Variants in SAMD9 observed in about 807,000 individuals in gnomAD.
The protein encoded by SAMD9 is sterile alpha motif domain containing 9.
SAMD9 carries 3 observed loss-of-function variants against 1.5 expected under a neutral mutation model. The observed-to-expected ratio is 2.05, with a 90% CI of 0.93 to 5.29. SAMD9 has a LOEUF of 5.29. Ranked by LOEUF, SAMD9 falls within the 30% of genes most tolerant of loss-of-function variation. The pLI is 0.02. For missense variants in SAMD9, 1,597 were observed against 1,820.8 expected (o/e 0.88, Z 2.24); for synonymous variants, 635 against 631.9 (o/e 1.00, Z -0.07).
intron 2 of SAMD9, among the ~76,000 whole-genome samples, chr7:93,107,490 C>T (rs1791665998): frequency 6.6e-6 from 1 of 152,072 alleles, no homozygotes; most frequent in Admixed American, 6.5e-5. Flanking sequence ...AAATGAAATT[C>T]AAATAATAAT....
Position 93,105,595 on chromosome 7 carries a change from T to A in SAMD9, c.503A>T (p.Glu168Val), listed in dbSNP as rs1791625210. The change falls in exon 3 of 3, where the codon GAA becomes GTA. Residue 168 changes from glutamate (E) to valine (V), a missense_variant. Coordinates refer to ENST00000379958, the MANE Select transcript of SAMD9 (RefSeq NM_017654.4). ...CTTGTAACGATATGGATTACTGAAT[T>A]CATCAAATGGATATGATACACATGT... is the stretch of plus-strand genomic sequence containing the variant. ...DLTCVSYPFDEFSNPYRYKLD... is the reference protein window; with the variant it reads ...DLTCVSYPFDVFSNPYRYKLD... 1 of 1,614,134 alleles carries A rather than the reference T, an allele frequency of 6.2e-7. No individual in the cohort carries two copies. Among genetic ancestry groups the A allele is most frequent in the African/African-American group, 1.3e-5 (1 of 75,058 alleles).
At position 93,105,772 on chromosome 7, in the gene SAMD9, G is replaced by A. The variant is rs751810299; in HGVS notation, c.326C>T (p.Thr109Ile). Residue 109 changes from threonine (T) to isoleucine (I), a missense_variant, in exon 3 of 3, where the codon ACT (threonine) becomes ATT (isoleucine). Thr to Ile is a moderately conservative substitution (Grantham distance 89). Coordinates refer to ENST00000379958, the MANE Select transcript of SAMD9 (RefSeq NM_017654.4). ...TTTACCCTTTTGTTTTTGCTTTGAAGTTTCTCTACGTTCCTTTTGAGACAC... is the reference window on the plus strand; with the variant it reads ...TTTACCCTTTTGTTTTTGCTTTGAAATTTCTCTACGTTCCTTTTGAGACAC... ...QTVSQKERRE[T>I]SKQKQKGKEN... The A allele has an allele frequency of 1.2e-6, 2 of 1,614,066 alleles. No homozygotes were observed. The highest frequency in any genetic ancestry group is 1.7e-5 in the Admixed American group (1 of 60,024).
intron 2 of SAMD9, among the ~76,000 whole-genome samples, chr7:93,113,455 G>T (rs1235226505): frequency 6.6e-6 from 1 of 152,176 alleles, no homozygotes; most frequent in Non-Finnish European, 1.5e-5. Flanking sequence ...TGACAAATGG[G>T]ATCTAGTTAA....
Position 93,101,365 on chromosome 7 carries a change from A to T in SAMD9, c.4733T>A (p.Ile1578Asn). ...AATGTCATAAGCAAGTGGGCCTCCA[A>T]TGGAAAATCCCAGGTAAAAAGACAC... ...EKVSFYLGFS[I>N]GGPLAYDIEI... Residue 1578 changes from isoleucine (I) to asparagine (N), a missense_variant, in exon 3 of 3, where the codon ATT (isoleucine) becomes AAT (asparagine). Physicochemically the swap from Ile to Asn is moderately radical, Grantham distance 149. Around this residue, in one of 6 missense-constraint regions of SAMD9, gnomAD observed 682 missense variants for 810.0 expected, o/e 0.84. Coordinates refer to ENST00000379958, the MANE Select transcript of SAMD9 (RefSeq NM_017654.4). The T allele has an allele frequency of 6.2e-7, 1 of 1,613,448 alleles. No individual in the cohort carries two copies.
rs182642499 is a variant in SAMD9, at chr7:93,100,135, G to A, written c.*1193C>T. 4 of 152,004 alleles carry A rather than the reference G, an allele frequency of 2.6e-5. No individual in the cohort carries two copies. Among genetic ancestry groups the A allele is most frequent in the Non-Finnish European group, 5.9e-5 (4 of 67,908 alleles). 9.4% of individuals were successfully genotyped at this position (152,004 alleles called of 1,614,324 possible). A position where few individuals can be genotyped will look rare whatever the true frequency, so the allele number is the denominator to read the frequency against. Reference sequence around the variant, plus strand: ...GCAATTTCTTTCTTTTTTGGTTGAAGAAACCAAAAAAGAAAACCAGGTTTT... The same window carrying A: ...GCAATTTCTTTCTTTTTTGGTTGAAAAAACCAAAAAAGAAAACCAGGTTTT... On this transcript the variant is annotated 3_prime_UTR_variant, in exon 3 of 3. Transcript: ENST00000379958.
chr7:93,110,153 A>C (rs942398321), intron 2 of SAMD9, among the ~76,000 whole-genome samples: 7 of 152,188 alleles, frequency 4.6e-5, no homozygotes, highest in Non-Finnish European at 8.8e-5. Flanking sequence ...GGCCAATATT[A>C]AACATTCTTA....
chr7:93,103,551 G>C lies in SAMD9; in HGVS notation c.2547C>G (p.Asp849Glu). 3 of 1,613,464 alleles carry C rather than the reference G, an allele frequency of 1.9e-6. No individual in the cohort carries two copies. Among genetic ancestry groups the C allele is most frequent in the Non-Finnish European group, 2.5e-6 (3 of 1,179,538 alleles). Residue 849 changes from aspartate (D) to glutamate (E), a missense_variant, in exon 3 of 3, where the codon GAC becomes GAG. Physicochemically the swap from Asp to Glu is conservative, Grantham distance 45 (BLOSUM62 2). Around this residue, in one of 6 missense-constraint regions of SAMD9, gnomAD observed 55 missense variants for 58.6 expected, o/e 0.94. Coordinates refer to ENST00000379958, the MANE Select transcript of SAMD9 (RefSeq NM_017654.4). Reference protein sequence around the residue: ...QNPEKSARIPDSIAVIQQLSP... With the variant: ...QNPEKSARIPESIAVIQQLSP... ...AGAGTTGCTGTATTACGGCAATACTGTCTGGGATCCTTGCACTTTTTTCAG... is the reference window on the plus strand; with the variant it reads ...AGAGTTGCTGTATTACGGCAATACTCTCTGGGATCCTTGCACTTTTTTCAG...
intron 2 of SAMD9, among the ~76,000 whole-genome samples, chr7:93,111,771 C>T (rs1704754058): frequency 6.6e-6 from 1 of 152,140 alleles, no homozygotes; most frequent in Non-Finnish European, 1.5e-5. Context: ...GAAGTTGAAT[C>T]CCTGAATAGA....
intron 2 of SAMD9, among the ~76,000 whole-genome samples, chr7:93,108,299 C>G (rs929633895): frequency 6.6e-6 from 1 of 152,166 alleles, no homozygotes; most frequent in African/African-American, 2.4e-5. Flanking sequence ...GTCACCTCCT[C>G]AAGCCATAGG....
intron 2 of SAMD9, among the ~76,000 whole-genome samples, 195 bp downstream of exon 2, chr7:93,114,600 G>C (rs924789027): frequency 1.3e-5 from 2 of 152,088 alleles, no homozygotes; most frequent in African/African-American, 4.8e-5. Flanking sequence ...AATGACAAGA[G>C]AGACTCAGTG....
chr7:93,107,663 T>C (rs10229795), intron 2 of SAMD9, among the ~76,000 whole-genome samples: 15,883 of 152,178 alleles, frequency 0.1, 1,616 homozygotes, highest in African/African-American at 0.27. Context: ...AGAAATATTG[T>C]TTTCTAGTGG....
chr7:93,108,660 G>A (rs911455710), intron 2 of SAMD9, among the ~76,000 whole-genome samples: 11 of 152,168 alleles, frequency 7.2e-5, no homozygotes, highest in African/African-American at 1.7e-4. Context: ...TATATTCTGC[G>A]CCTGGCTCAG....
chr7:93,113,784 A>T (rs1791787439), intron 2 of SAMD9, among the ~76,000 whole-genome samples: 1 of 152,218 alleles, frequency 6.6e-6, no homozygotes, highest in African/African-American at 2.4e-5. Context: ...GGGATCATTA[A>T]AAAGTCAGGA....
At position 93,108,156 on chromosome 7, in the gene SAMD9, C is replaced by T. The variant is rs373242600; in HGVS notation, c.-8-2051G>A. 4.6e-5 allele frequency among the ~76,000 whole-genome samples: 7 copies of T among 152,224 alleles called. No individual in the cohort carries two copies. The East Asian group carries it at 5.8e-4, about 13-fold the overall frequency. ...TGGCCCGCCGTGCCTTGCCGTGCCT[C>T]GCCATGCGCCTGTGTGGCTAAGGCT... On this transcript the variant is annotated intron_variant, in intron 2 of 2. Coordinates refer to ENST00000379958, the MANE Select transcript of SAMD9 (RefSeq NM_017654.4).
chr7:93,113,174 G>C (rs936072713), intron 2 of SAMD9, among the ~76,000 whole-genome samples: 3 of 152,130 alleles, frequency 2.0e-5, no homozygotes, highest in Non-Finnish European at 4.4e-5. Context: ...TCTGATCTTT[G>C]ACAAACCTGA....
At position 93,104,721 on chromosome 7, in the gene SAMD9, T is replaced by G. The variant is rs567856199; in HGVS notation, c.1377A>C (p.Arg459=). 1.9e-6 allele frequency: 3 copies of G among 1,614,040 alleles called. No homozygotes were observed. In the Admixed American group the frequency reaches 5.0e-5, roughly 27 times the overall value. ...CACTTGGAAAGTGAAGGTTTGCTACTCGGCTTTCTTTGTAAGCTTTGACCA... is the reference window on the plus strand; with the variant it reads ...CACTTGGAAAGTGAAGGTTTGCTACGCGGCTTTCTTTGTAAGCTTTGACCA... ...NGVVKAYKES[R]VANLHFPSVY... Residue 459 remains arginine (R), a synonymous_variant, in exon 3 of 3, where the codon CGA becomes CGC. Coordinates refer to ENST00000379958, the MANE Select transcript of SAMD9 (RefSeq NM_017654.4).
chr7:93,109,366 G>T (rs897379769), intron 2 of SAMD9, among the ~76,000 whole-genome samples: 2 of 152,288 alleles, frequency 1.3e-5, no homozygotes, highest in South Asian at 2.1e-4. Flanking sequence ...GAGCAGAAAA[G>T]CTGAAAATTC....
chr7:93,106,003 T>TG lies in SAMD9; in HGVS notation c.94dup (p.His32ProfsTer7). ...GTCTTGTTCAGTCAAAATTTCCCTG[T>TG]GTTTTTGGTCAATCTTATGACTTTC... is the stretch of plus-strand genomic sequence containing the variant. On this transcript the variant is annotated frameshift_variant, in exon 3 of 3. Coordinates refer to ENST00000379958, the MANE Select transcript of SAMD9 (RefSeq NM_017654.4). LOFTEE classifies it low-confidence loss of function (END_TRUNC). The TG allele has an allele frequency of 6.3e-7, 1 of 1,592,606 alleles. No homozygotes were observed. The highest frequency in any genetic ancestry group is 8.5e-7 in the Non-Finnish European group (1 of 1,171,408).
intron 2 of SAMD9, among the ~76,000 whole-genome samples, chr7:93,107,641 G>A (rs865878589): frequency 6.6e-6 from 1 of 152,186 alleles, no homozygotes; most frequent in Non-Finnish European, 1.5e-5. Flanking sequence ...CCAAGTTCAT[G>A]AAATAATACA....
Sources: allele counts gnomAD v4.1 joint callset (sites outside exome capture counted in the v4.1 genomes callset), GRCh38; gene constraint gnomAD v4.1.1; regional missense constraint gnomAD v4.1.1; transcripts MANE v1.5; gene names NCBI Gene and HGNC (gene_info 2026-07-23, HGNC 2026-07-21).